Variants in PKP1 observed in about 807,000 individuals in gnomAD.
PKP1 encodes the protein plakophilin-1.
Under a neutral mutation model 76.4 loss-of-function variants are expected in PKP1, and 27 were observed. That is an observed-to-expected ratio of 0.35 (90% confidence interval 0.26 to 0.49). PKP1 has a LOEUF of 0.49. Ranked by LOEUF, PKP1 falls within the 20% of genes least tolerant of loss-of-function variation. The probability of loss-of-function intolerance (pLI) is 0.99; values close to 1 mark genes in which losing one functional copy is unlikely to be tolerated. For missense variants in PKP1, 964 were observed against 955.2 expected, an observed-to-expected ratio of 1.01 and a Z score of -0.12; for synonymous variants, 404 against 384.2, an observed-to-expected ratio of 1.05 and a Z score of -0.60.
In PKP1 at chr1:201,324,578, A is replaced by G; in HGVS notation, c.1831A>G (p.Met611Val). 6.2e-7 allele frequency: 1 copy of G among 1,614,050 alleles called. No individual in the cohort carries two copies. The highest frequency in any genetic ancestry group is 8.5e-7 in the Non-Finnish European group (1 of 1,179,976). Residue 611 changes from methionine (M) to valine (V), a missense_variant, in exon 10 of 14, where the codon ATG (methionine) becomes GTG (valine). Met to Val is a conservative substitution (Grantham distance 21). Coordinates refer to ENST00000367324, the MANE Select transcript of PKP1 (RefSeq NM_001005337.3). The stretch of plus-strand genomic sequence containing the variant: ...CCGCCACCCTCTGCTGCACAGAGTG[A>G]TGGGTAAGGTCCCTCTCTCTCCTCC... Reference protein sequence around the residue: ...MSRHPLLHRVMGNQVFPEVTR... With the variant: ...MSRHPLLHRVVGNQVFPEVTR...
chr1:201,321,934 G>C (rs549425845), intron 7 of PKP1, 44 bp from the exon 8 acceptor site: 2 of 1,611,410 alleles, frequency 1.2e-6, no homozygotes, highest in East Asian at 4.5e-5. Flanking sequence ...GGAGCCTGTC[G>C]GGCCGGGCAG....
At chr1:201,320,178 C>T (rs1187761622) in intron 6 of PKP1, 89 bp from the exon 7 acceptor site, 5 of 824,152 alleles carry the variant, frequency 6.1e-6, no homozygotes, top group Admixed American at 3.9e-5. Flanking sequence ...CTCTCTCCTG[C>T]CTGTCCCCCA....
intron 1 of PKP1, among the ~76,000 whole-genome samples, chr1:201,286,920 C>A (rs1250629064): frequency 6.6e-6 from 1 of 152,136 alleles, no homozygotes; most frequent in African/African-American, 2.4e-5. Context: ...CACTTGGAAT[C>A]TCTTCCTAAA....
In PKP1 at chr1:201,320,370, T is replaced by C. The variant is rs78672252; in HGVS notation, c.1336T>C (p.Cys446Arg). The change falls in exon 7 of 14, where the codon TGT becomes CGT. Residue 446 changes from cysteine to arginine, a missense_variant. By Grantham distance (180) the Cys-to-Arg change is radical. Coordinates refer to ENST00000367324, the MANE Select transcript of PKP1 (RefSeq NM_001005337.3). ...CCAGAACTGTGTAGCGGCCAGCCGCTGTGACGACAAGGTGAGTGCATCCCC... is the reference window on the plus strand; with the variant it reads ...CCAGAACTGTGTAGCGGCCAGCCGCCGTGACGACAAGGTGAGTGCATCCCC... ...YVQNCVAASR[C>R]DDKSVENCMC... 5.9e-3 allele frequency: 9,428 copies of C among 1,611,054 alleles called. 32 individuals carry two copies. The highest frequency in any genetic ancestry group is 7.2e-3 in the Non-Finnish European group (8,500 of 1,177,180).
intron 11 of PKP1, 100 bp from the exon 12 acceptor site, chr1:201,325,654 C>A: frequency 2.2e-6 from 2 of 907,544 alleles, no homozygotes; most frequent in South Asian, 1.4e-5. Flanking sequence ...TGAGGCCTCC[C>A]CTGTGTCCAG....
chr1:201,313,613 A>G lies in PKP1; in HGVS notation c.701+53A>G, dbSNP rs1388949672. 1.9e-5 allele frequency: 30 copies of G among 1,569,730 alleles called. No individual in the cohort carries two copies. The East Asian group carries it at 6.7e-4, about 35-fold the overall frequency. ...GCCAGGAGGGCCAGTGGGGAGACAC[A>G]CCCTTAGCCTGACTGCACCCTGCAA... On this transcript the variant is annotated intron_variant, in intron 3 of 13. Coordinates refer to ENST00000367324, the MANE Select transcript of PKP1 (RefSeq NM_001005337.3).
At chr1:201,311,971 C>A (rs929868340) in intron 2 of PKP1, among the ~76,000 whole-genome samples, 1 of 152,252 alleles carries the variant, frequency 6.6e-6, no homozygotes, top group African/African-American at 2.4e-5. Flanking sequence ...GCCGACTCCC[C>A]ACTTGGGCTC....
intron 1 of PKP1, among the ~76,000 whole-genome samples, chr1:201,284,611 C>A (rs1469196213): frequency 6.6e-6 from 1 of 152,238 alleles, no homozygotes; most frequent in Non-Finnish European, 1.5e-5. Flanking sequence ...AGTTGGAAGG[C>A]CGCCCCAGGG....
chr1:201,313,403 A>C lies in PKP1; in HGVS notation c.544A>C (p.Asn182His), dbSNP rs148156855. 1.0e-4 allele frequency: 166 copies of C among 1,586,640 alleles called. 1 individual carries two copies. In the African/African-American group the frequency reaches 1.8e-3, roughly 17 times the overall value. ...LGSKGQKTTQ[N>H]RYSFYSTCSG... is the part of the protein sequence containing the mutation. ...CAGCAAGGGCCAGAAGACCACCCAGAACCGCTACAGCTTTTACAGCACCTG... is the reference window on the plus strand; with the variant it reads ...CAGCAAGGGCCAGAAGACCACCCAGCACCGCTACAGCTTTTACAGCACCTG... Residue 182 changes from asparagine to histidine, a missense_variant, in exon 3 of 14, where the codon AAC becomes CAC. Physicochemically the swap from Asn to His is moderately conservative, Grantham distance 68. Transcript: ENST00000367324.
At chr1:201,323,902 T>A (rs530268329) in intron 9 of PKP1, among the ~76,000 whole-genome samples, 2 of 152,254 alleles carry the variant, frequency 1.3e-5, no homozygotes, top group Non-Finnish European at 2.9e-5. Flanking sequence ...GGCCTACCTC[T>A]AGGGGACCCC....
At chr1:201,314,163 G>A (rs1656655188) in intron 3 of PKP1, among the ~76,000 whole-genome samples, 1 of 152,160 alleles carries the variant, frequency 6.6e-6, no homozygotes, top group Non-Finnish European at 1.5e-5. Context: ...TAAAAACTGA[G>A]GGACATGGCC....
At chr1:201,317,994 G>T (rs1016657060) in intron 5 of PKP1, among the ~76,000 whole-genome samples, 1 of 152,242 alleles carries the variant, frequency 6.6e-6, no homozygotes, top group Non-Finnish European at 1.5e-5. Context: ...CACACACAAG[G>T]GGTCACCATC....
intron 2 of PKP1, among the ~76,000 whole-genome samples, chr1:201,303,697 T>C (rs1656296339): frequency 6.6e-6 from 1 of 152,222 alleles, no homozygotes; most frequent in African/African-American, 2.4e-5. Flanking sequence ...CTAGACTTTC[T>C]CCCTGTGGTA....
chr1:201,308,971 G>A (rs1294846988), intron 2 of PKP1, among the ~76,000 whole-genome samples: 1 of 152,064 alleles, frequency 6.6e-6, no homozygotes, highest in East Asian at 1.9e-4. Context: ...GAGTCAGTAA[G>A]GACTCTCTAA....
intron 2 of PKP1, among the ~76,000 whole-genome samples, chr1:201,303,058 G>A (rs1656282823): frequency 6.6e-6 from 1 of 152,166 alleles, no homozygotes; most frequent in African/African-American, 2.4e-5. Flanking sequence ...TGCCACTACG[G>A]GCAATCATGT....
At chr1:201,324,650 G>C in intron 10 of PKP1, 69 bp downstream of exon 10, 2 of 1,562,778 alleles carry the variant, frequency 1.3e-6, no homozygotes, top group Non-Finnish European at 8.8e-7. Flanking sequence ...AAGCCTGCTT[G>C]AAGGTCATCC....
At chr1:201,322,271 C>A (rs1408854938) in intron 8 of PKP1, 138 bp downstream of exon 8, 21 of 908,916 alleles carry the variant, frequency 2.3e-5, no homozygotes, top group Non-Finnish European at 3.5e-5. Context: ...GACACCTTGG[C>A]CTGGGGCTCA....
At chr1:201,320,577 C>T (rs1656910054) in intron 7 of PKP1, among the ~76,000 whole-genome samples, 196 bp downstream of exon 7, 3 of 152,242 alleles carry the variant, frequency 2.0e-5, no homozygotes, top group Admixed American at 2.0e-4. Context: ...TCCACTCTCC[C>T]TCACTTAGAA....
intron 1 of PKP1, among the ~76,000 whole-genome samples, chr1:201,291,466 T>C (rs1558182763): frequency 6.6e-6 from 1 of 152,038 alleles, no homozygotes; most frequent in Non-Finnish European, 1.5e-5. Context: ...GAGAAGAGTG[T>C]ATGAGAGGGA....
Sources: allele counts gnomAD v4.1 joint callset (sites outside exome capture counted in the v4.1 genomes callset), GRCh38; gene constraint gnomAD v4.1.1; transcripts MANE v1.5; gene names NCBI Gene and HGNC (gene_info 2026-07-23, HGNC 2026-07-21).